The following CERS3 variants were observed in gnomAD, a reference collection of about 807,000 sequenced individuals.
CERS3 encodes the protein ceramide synthase 3.
A neutral mutation model predicts 50.3 loss-of-function variants in CERS3; 33 were observed. That is an observed-to-expected ratio of 0.66 (90% CI 0.50 to 0.88). The LOEUF is 0.88. Ranked by LOEUF, CERS3 falls within the 40% of genes least tolerant of loss-of-function variation. CERS3 has a pLI of 0.00. For synonymous variants in CERS3, 176 were observed against 155.2 expected (o/e 1.13, Z -0.99); for missense variants, 470 against 460.3 (o/e 1.02, Z -0.19).
chr15:100,439,667 C>A (rs2033591170), intron 11 of CERS3, among the ~76,000 whole-genome samples: 1 of 152,206 alleles, frequency 6.6e-6, no homozygotes, highest in Admixed American at 6.5e-5. Flanking sequence ...CTAGCCCTCT[C>A]CTCCCCTTTG....
At chr15:100,431,650 C>T (rs2033139750) in intron 11 of CERS3, among the ~76,000 whole-genome samples, 2 of 152,170 alleles carry the variant, frequency 1.3e-5, no homozygotes, top group Non-Finnish European at 2.9e-5. Flanking sequence ...GGGGAGAAGA[C>T]ACATGCAGCT....
chr15:100,524,457 C>T (rs1174817048), intron 1 of CERS3, among the ~76,000 whole-genome samples: 3 of 152,162 alleles, frequency 2.0e-5, no homozygotes, highest in African/African-American at 7.2e-5. Context: ...GTCCAGAATT[C>T]CACATAAGGC....
At chr15:100,542,477 G>T (rs997133542) in intron 1 of CERS3, among the ~76,000 whole-genome samples, 1 of 152,180 alleles carries the variant, frequency 6.6e-6, no homozygotes, top group Non-Finnish European at 1.5e-5. Context: ...TTCTGCCATT[G>T]CATTCCTTAC....
chr15:100,481,766 T>G (rs1343672852), intron 5 of CERS3, among the ~76,000 whole-genome samples: 1 of 152,108 alleles, frequency 6.6e-6, no homozygotes. Context: ...GATCCAAGAG[T>G]ACAGCCAAGT....
At chr15:100,465,244 C>T (rs2034675343) in intron 10 of CERS3, among the ~76,000 whole-genome samples, 1 of 152,010 alleles carries the variant, frequency 6.6e-6, no homozygotes, top group African/African-American at 2.4e-5. Flanking sequence ...TTAGTTAAGC[C>T]ACCCTCCAAT....
At chr15:100,444,179 A>G (rs2033830527) in intron 11 of CERS3, among the ~76,000 whole-genome samples, 2 of 152,160 alleles carry the variant, frequency 1.3e-5, no homozygotes, top group South Asian at 4.1e-4. Flanking sequence ...ATACTTTTAG[A>G]AGCCCTTAAA....
At position 100,440,761 on chromosome 15, in the gene CERS3, C is replaced by T. The variant is rs146160266; in HGVS notation, c.999+15132G>A. Among the ~76,000 whole-genome samples the T allele has an allele frequency of 3.3e-5, 5 of 152,326 alleles. No homozygotes were observed. The East Asian group carries it at 5.8e-4, about 18-fold the overall frequency. On this transcript the variant is annotated intron_variant, in intron 11 of 11. Coordinates refer to ENST00000679737, the MANE Select transcript of CERS3 (RefSeq NM_001378789.1). ...TCTCACCAATTTCAAATCCGGTAAG[C>T]GGCCTCTTTTTACTGTCTTCTCGAA... is the stretch of plus-strand genomic sequence containing the variant.
chr15:100,422,999 G>A (rs750804756), intron 11 of CERS3, among the ~76,000 whole-genome samples: 16 of 151,230 alleles, frequency 1.1e-4, no homozygotes, highest in Non-Finnish European at 1.5e-4. Flanking sequence ...TGACGAGTTA[G>A]TGGGTGCAGC....
At position 100,400,799 on chromosome 15, in the gene CERS3, T is replaced by C. The variant is rs1453887431; in HGVS notation, c.*1914A>G. ...AAAAAATTATATCTTAGTGTGACCT[T>C]CTTCCAGCAAAATAATAATAATATA... On this transcript the variant is annotated 3_prime_UTR_variant, in exon 12 of 12. Transcript: ENST00000679737. The C allele has an allele frequency of 1.3e-5, 2 of 151,996 alleles. No individual in the cohort carries two copies. The highest frequency in any genetic ancestry group is 2.9e-5 in the Non-Finnish European group (2 of 67,996). 9.4% of individuals were successfully genotyped at this position (151,996 alleles called of 1,614,324 possible). A position where few individuals can be genotyped will look rare whatever the true frequency, so the allele number is the denominator to read the frequency against.
At chr15:100,442,226 C>G (rs1335118828) in intron 11 of CERS3, among the ~76,000 whole-genome samples, 1 of 152,178 alleles carries the variant, frequency 6.6e-6, no homozygotes, top group Non-Finnish European at 1.5e-5. Context: ...GGCAGCAACC[C>G]TGAGACACTT....
chr15:100,426,267 C>A (rs554948575), intron 11 of CERS3, among the ~76,000 whole-genome samples: 1 of 152,218 alleles, frequency 6.6e-6, no homozygotes, highest in East Asian at 1.9e-4. Context: ...TTTGACCTAA[C>A]AATTCCATTT....
chr15:100,533,706 T>C (rs150378869), upstream of CERS3, among the ~76,000 whole-genome samples: 98 of 152,040 alleles, frequency 6.4e-4, no homozygotes, highest in African/African-American at 2.3e-3. Context: ...TACAGGCACG[T>C]GTTACCACCC....
intron 6 of CERS3, 42 bp downstream of exon 6, chr15:100,479,947 T>C: frequency 2.0e-6 from 3 of 1,481,640 alleles, no homozygotes; most frequent in Non-Finnish European, 2.8e-6. Context: ...ATTTCAAAAA[T>C]TAAAGACAAA....
chr15:100,523,213 G>C lies in CERS3; in HGVS notation c.-91-1457C>G, dbSNP rs185834271. ...ATTGCCTTGTTTCTGTTTTGGATAG[G>C]ACTCCTTGTTTGTTACATGCATAAC... is the stretch of plus-strand genomic sequence containing the variant. On this transcript the variant is annotated intron_variant, in intron 1 of 11. Coordinates refer to ENST00000679737, the MANE Select transcript of CERS3 (RefSeq NM_001378789.1). Among the ~76,000 whole-genome samples the C allele has an allele frequency of 4.9e-4, 75 of 152,170 alleles. 1 individual carries two copies. The highest frequency in any genetic ancestry group is 4.4e-3 in the Admixed American group (68 of 15,284).
In CERS3 at chr15:100,494,799, C is replaced by T. The variant is rs139149762; in HGVS notation, c.174-3868G>A. Among the ~76,000 whole-genome samples the T allele has an allele frequency of 1.2e-3, 183 of 152,316 alleles. 2 individuals carry two copies. The highest frequency in any genetic ancestry group is 3.6e-3 in the African/African-American group (148 of 41,564). ...CCTAAAGGTCATTCAGAGGTGAGAG[C>T]TTATGGCCTTCCCAGGTCTTTCCTG... On this transcript the variant is annotated intron_variant, in intron 3 of 11. Coordinates refer to ENST00000679737, the MANE Select transcript of CERS3 (RefSeq NM_001378789.1).
At chr15:100,483,787 A>ATTATTATTTTTTTTTT (rs760594142) in intron 5 of CERS3, among the ~76,000 whole-genome samples, 10 of 100,034 alleles carry the variant, frequency 1.0e-4, no homozygotes, top group African/African-American at 1.9e-4. Context: ...TATTATTATT[A>ATTATTATTTTTTTTTT]TTTTTTTTTT....
At chr15:100,415,809 GGGGA>G (rs2031857193) in intron 11 of CERS3, among the ~76,000 whole-genome samples, 3 of 148,296 alleles carry the variant, frequency 2.0e-5, no homozygotes, top group Non-Finnish European at 3.0e-5. Context: ...GAGTGAGGGA[GGGGA>G]GGGAGCATTC....
intron 11 of CERS3, among the ~76,000 whole-genome samples, chr15:100,419,997 C>T (rs1250145775): frequency 6.9e-6 from 1 of 145,544 alleles, no homozygotes; most frequent in Non-Finnish European, 1.5e-5. Flanking sequence ...CCAAAATTGA[C>T]ACCCTAACAT....
At chr15:100,443,624 G>C (rs940493835) in intron 11 of CERS3, among the ~76,000 whole-genome samples, 2 of 145,770 alleles carry the variant, frequency 1.4e-5, no homozygotes, top group African/African-American at 2.5e-5. Flanking sequence ...CACCCATCAG[G>C]CTCAGCAAAT....
Sources: allele counts gnomAD v4.1 joint callset (sites outside exome capture counted in the v4.1 genomes callset), GRCh38; gene constraint gnomAD v4.1.1; transcripts MANE v1.5; gene names NCBI Gene and HGNC (gene_info 2026-07-23, HGNC 2026-07-21).